Variants in CELA3A observed in about 807,000 individuals in gnomAD.
CELA3A encodes the protein chymotrypsin like elastase 3A.
In CELA3A, 35 loss-of-function variants were observed where a neutral mutation model predicts 38.6. That is an observed-to-expected ratio of 0.91 (90% CI 0.69 to 1.20). CELA3A has a LOEUF of 1.20. CELA3A is among the 50% of genes most tolerant of loss of function. The pLI is 0.00. For missense variants in CELA3A, 343 were observed against 354.2 expected (o/e 0.97, Z 0.25); for synonymous variants, 143 against 136.7 (o/e 1.05, Z -0.32).
In CELA3A at chr1:22,007,456, G is replaced by A. The variant is rs1208449389; in HGVS notation, c.583G>A (p.Gly195Ser). 1 of 1,612,570 alleles carries A rather than the reference G, an allele frequency of 6.2e-7. No individual in the cohort carries two copies. The highest frequency in any genetic ancestry group is 1.7e-5 in the Admixed American group (1 of 59,962). ...YKHCSRWNWWGSTVKKTMVCA... is the reference protein window; with the variant it reads ...YKHCSRWNWWSSTVKKTMVCA... Reference sequence around the variant, plus strand: ...GCACTGCTCCAGGTGGAACTGGTGGGGTTCCACCGTGAAGAAAACCATGGT... The same window carrying A: ...GCACTGCTCCAGGTGGAACTGGTGGAGTTCCACCGTGAAGAAAACCATGGT... Residue 195 changes from glycine to serine, a missense_variant, in exon 6 of 8, where the codon GGT becomes AGT. Coordinates refer to ENST00000290122, the MANE Select transcript of CELA3A (RefSeq NM_005747.5).
chr1:22,001,854 T>C (rs745421420), intron 1 of CELA3A, 137 bp downstream of exon 1: 1 of 1,259,580 alleles, frequency 7.9e-7, no homozygotes, highest in Non-Finnish European at 1.2e-6. Context: ...CCCGGGGGCA[T>C]GACTGTAGGG....
chr1:22,012,206 C>T lies in CELA3A; in HGVS notation c.796-244C>T, dbSNP rs139289687. Among the ~76,000 whole-genome samples, 873 of 127,224 alleles carry T rather than the reference C, an allele frequency of 6.9e-3. 252 individuals are homozygous for T. The highest frequency in any genetic ancestry group is 0.027 in the African/African-American group (836 of 31,078). The allele number at this position is 127,224 out of a possible 152,430, so 83.5% of individuals were successfully genotyped here. On this transcript the variant is annotated intron_variant, in intron 7 of 7. Coordinates refer to ENST00000290122, the MANE Select transcript of CELA3A (RefSeq NM_005747.5). ...ACACATGCATATACATATATATATA[C>T]ATACACATCCCATCTAAATTTGTGC... is the stretch of plus-strand genomic sequence containing the variant.
intron 6 of CELA3A, among the ~76,000 whole-genome samples, chr1:22,008,262 A>C (rs538770305): frequency 1.2e-4 from 17 of 147,598 alleles, no homozygotes; most frequent in Non-Finnish European, 2.2e-4. Context: ...GCAACCCTCC[A>C]ATGTCAGCCT....
rs1644987016 is a variant in CELA3A, at chr1:22,012,205, A to G, written c.796-245A>G. Among the ~76,000 whole-genome samples, 2 of 128,570 alleles carry G rather than the reference A, an allele frequency of 1.6e-5. 1 individual carries two copies. The highest frequency in any genetic ancestry group is 1.8e-4 in the Admixed American group (2 of 11,422). 84.3% of individuals were successfully genotyped at this position (128,570 alleles called of 152,430 possible). A position where few individuals can be genotyped will look rare whatever the true frequency, so the allele number is the denominator to read the frequency against. On this transcript the variant is annotated intron_variant, in intron 7 of 7. Coordinates refer to ENST00000290122, the MANE Select transcript of CELA3A (RefSeq NM_005747.5). ...CACACATGCATATACATATATATATACATACACATCCCATCTAAATTTGTG... is the reference window on the plus strand; with the variant it reads ...CACACATGCATATACATATATATATGCATACACATCCCATCTAAATTTGTG...
chr1:22,005,077 G>A (rs1463928358), intron 2 of CELA3A, among the ~76,000 whole-genome samples: 1 of 149,324 alleles, frequency 6.7e-6, no homozygotes, highest in Non-Finnish European at 1.5e-5. Context: ...TCCAGCCTGG[G>A]GAACAAGAGC....
rs550611930 is a variant in CELA3A at position 22,003,063 on chromosome 1, C to G, written c.104C>G (p.Ala35Gly). 1 of 1,575,062 alleles carries G rather than the reference C, an allele frequency of 6.3e-7. No homozygotes were observed. The highest frequency in any genetic ancestry group is 8.6e-7 in the Non-Finnish European group (1 of 1,167,532). ...AGCCGCGTTGTCCATGGTGAGGATGCGGTCCCCTACAGCTGGCCCTGGCAG... is the reference window on the plus strand; with the variant it reads ...AGCCGCGTTGTCCATGGTGAGGATGGGGTCCCCTACAGCTGGCCCTGGCAG... ...SSSRVVHGED[A>G]VPYSWPWQVS... Residue 35 changes from alanine (A) to glycine (G), a missense_variant, in exon 2 of 8, where the codon GCG (alanine) becomes GGG (glycine). Coordinates refer to ENST00000290122, the MANE Select transcript of CELA3A (RefSeq NM_005747.5).
chr1:22,007,699 C>CG (rs1343355632), intron 6 of CELA3A, among the ~76,000 whole-genome samples, 184 bp downstream of exon 6: 2 of 151,168 alleles, frequency 1.3e-5, no homozygotes, highest in African/African-American at 4.9e-5. Context: ...TCAGGACCCC[C>CG]GGGTTGCAGT....
Position 22,002,185 on chromosome 1 carries a change from T to C in CELA3A, c.43+468T>C, listed in dbSNP as rs1336430513. ...TGACAATAATGGTAACAGATAACATTGATTGAGTGCTTACTATGCCAGGCA... is the reference window on the plus strand; with the variant it reads ...TGACAATAATGGTAACAGATAACATCGATTGAGTGCTTACTATGCCAGGCA... On this transcript the variant is annotated intron_variant, in intron 1 of 7. Coordinates refer to ENST00000290122, the MANE Select transcript of CELA3A (RefSeq NM_005747.5). Among the ~76,000 whole-genome samples, 26 of 151,124 alleles carry C rather than the reference T, an allele frequency of 1.7e-4. 1 individual carries two copies. Among genetic ancestry groups the C allele is most frequent in the Non-Finnish European group, 3.4e-4 (23 of 67,902 alleles).
rs1231797052 is a variant in CELA3A, at chr1:22,005,160, C to T, written c.130-287C>T. On this transcript the variant is annotated intron_variant, in intron 2 of 7. Coordinates refer to ENST00000290122, the MANE Select transcript of CELA3A (RefSeq NM_005747.5). The stretch of plus-strand genomic sequence containing the variant: ...TGATAGAACAGAGGGCCTTCAAGGG[C>T]TGTTAAGAGACAGAAGGTAGAGAAT... 4.0e-5 allele frequency among the ~76,000 whole-genome samples: 6 copies of T among 150,916 alleles called. No homozygotes were observed. The South Asian group carries it at 1.0e-3, about 26-fold the overall frequency.
At chr1:22,012,328 C>T in intron 7 of CELA3A, 122 bp from the exon 8 acceptor site, 5 of 1,330,784 alleles carry the variant, frequency 3.8e-6, no homozygotes, top group Non-Finnish European at 5.1e-6. Context: ...AACTGAGGCT[C>T]AGAGAGGTCA....
intron 2 of CELA3A, among the ~76,000 whole-genome samples, chr1:22,003,387 G>C (rs564169007): frequency 2.0e-5 from 3 of 151,282 alleles, no homozygotes; most frequent in African/African-American, 7.3e-5. Context: ...GAGATTTTGA[G>C]AGACTCATTT....
intron 6 of CELA3A, among the ~76,000 whole-genome samples, chr1:22,008,275 C>T (rs1414934959): frequency 6.7e-6 from 1 of 148,904 alleles, no homozygotes; most frequent in South Asian, 2.1e-4. Context: ...GTCAGCCTCC[C>T]AAGCAGCCAG....
At chr1:22,007,043 A>G (rs748916133) in intron 5 of CELA3A, 29 bp downstream of exon 5, 1 of 1,608,462 alleles carries the variant, frequency 6.2e-7, no homozygotes, top group Non-Finnish European at 8.5e-7. Flanking sequence ...AGCTGGCCAC[A>G]GAGACAGTGG....
Position 22,009,814 on chromosome 1 carries a change from C to G in CELA3A, c.752C>G (p.Thr251Arg), listed in dbSNP as rs775191825. 1 of 1,612,422 alleles carries G rather than the reference C, an allele frequency of 6.2e-7. No individual in the cohort carries two copies. The highest frequency in any genetic ancestry group is 8.5e-7 in the Non-Finnish European group (1 of 1,179,494). The part of the protein sequence containing the change: ...AFGCNFIWKP[T>R]VFTRVSAFID... ...GGCTGCAACTTCATCTGGAAGCCCACGGTGTTCACTCGAGTCTCCGCCTTC... is the reference window on the plus strand; with the variant it reads ...GGCTGCAACTTCATCTGGAAGCCCAGGGTGTTCACTCGAGTCTCCGCCTTC... The change falls in exon 7 of 8, where the codon ACG becomes AGG. Residue 251 changes from threonine (T) to arginine (R), a missense_variant. Thr to Arg is a moderately conservative substitution (Grantham distance 71). Coordinates refer to ENST00000290122, the MANE Select transcript of CELA3A (RefSeq NM_005747.5).
chr1:22,008,511 G>T (rs1644964401), intron 6 of CELA3A, among the ~76,000 whole-genome samples: 1 of 150,372 alleles, frequency 6.7e-6, no homozygotes. Context: ...TGTAATCCCA[G>T]CACTTTGGGA....
At chr1:22,012,064 C>CA (rs1644986308) in intron 7 of CELA3A, among the ~76,000 whole-genome samples, 1 of 124,168 alleles carries the variant, frequency 8.1e-6, no homozygotes, top group Non-Finnish European at 1.6e-5. Flanking sequence ...ACCAAAAAAA[C>CA]AAAAAAAATA....
intron 6 of CELA3A, 132 bp from the exon 7 acceptor site, chr1:22,009,573 A>AT: frequency 3.4e-6 from 4 of 1,168,380 alleles, no homozygotes; most frequent in Middle Eastern, 3.0e-4. Flanking sequence ...ATAATAAATG[A>AT]TAAAAAAATG....
chr1:22,009,874 G>A lies in CELA3A; in HGVS notation c.795+17G>A, dbSNP rs771264343. 7 of 1,608,022 alleles carry A rather than the reference G, an allele frequency of 4.4e-6. No individual in the cohort carries two copies. Among genetic ancestry groups the A allele is most frequent in the Admixed American group, 1.7e-5 (1 of 58,222 alleles). ...ATTGAGGAGGTGAGGAGGGCAGGGCGGCCCGGAGGGCTTTAGGGTGGTGGC... is the reference window on the plus strand; with the variant it reads ...ATTGAGGAGGTGAGGAGGGCAGGGCAGCCCGGAGGGCTTTAGGGTGGTGGC... On this transcript the variant is annotated intron_variant, in intron 7 of 7. Coordinates refer to ENST00000290122, the MANE Select transcript of CELA3A (RefSeq NM_005747.5).
intron 6 of CELA3A, 24 bp from the exon 7 acceptor site, chr1:22,009,681 C>T: frequency 6.2e-7 from 1 of 1,605,586 alleles, no homozygotes; most frequent in Non-Finnish European, 8.5e-7. Flanking sequence ...GGCTCAGCCA[C>T]CCACTCCTCT....
Sources: gnomAD v4.1 joint callset for allele counts (sites outside exome capture counted in the v4.1 genomes callset) on GRCh38, gnomAD v4.1.1 for gene constraint, MANE v1.5 for transcripts, NCBI Gene and HGNC (gene_info 2026-07-23, HGNC 2026-07-21) for gene names.